GABRB1: variants seen among roughly 807,000 people sequenced by gnomAD.
The protein encoded by GABRB1 is gamma-aminobutyric acid receptor subunit beta-1.
In GABRB1, 17 loss-of-function variants were observed where a neutral mutation model predicts 51.6. The ratio of observed to expected loss-of-function variants is 0.33; its 90% CI spans 0.23 to 0.49. The LOEUF (loss-of-function observed/expected upper bound fraction) is 0.49, where lower values mean the gene tolerates loss of function less well. GABRB1 is among the 20% of genes least tolerant of loss of function. The probability of loss-of-function intolerance (pLI) is 0.99; values close to 1 mark genes in which losing one functional copy is unlikely to be tolerated. For synonymous variants in GABRB1, 247 were observed against 218.9 expected, an observed-to-expected ratio of 1.13 and a Z score of -1.14; for missense variants, 410 against 600.6, an observed-to-expected ratio of 0.68 and a Z score of 3.32.
chr4:47,360,068 A>G (rs972060311), intron 5 of GABRB1, among the ~76,000 whole-genome samples: 2 of 151,976 alleles, frequency 1.3e-5, no homozygotes, highest in African/African-American at 4.8e-5. Flanking sequence ...AAATATAATT[A>G]CAAGATGTAC....
At chr4:47,277,420 G>A (rs1422442906) in intron 4 of GABRB1, among the ~76,000 whole-genome samples, 3 of 149,976 alleles carry the variant, frequency 2.0e-5, no homozygotes, top group African/African-American at 5.0e-5. Context: ...CAACAAAATA[G>A]AAAGAATGAA....
intron 5 of GABRB1, among the ~76,000 whole-genome samples, chr4:47,348,730 G>T (rs955056383): frequency 2.0e-5 from 3 of 152,190 alleles, no homozygotes; most frequent in African/African-American, 7.2e-5. Context: ...CTAGGGGAAG[G>T]ATAGTTAATA....
At chr4:47,305,563 T>C (rs900056817) in intron 4 of GABRB1, among the ~76,000 whole-genome samples, 1 of 152,118 alleles carries the variant, frequency 6.6e-6, no homozygotes, top group Non-Finnish European at 1.5e-5. Context: ...TCATTTCCTA[T>C]GGGGTACTTA....
chr4:47,337,682 C>A (rs933760509), intron 5 of GABRB1, among the ~76,000 whole-genome samples: 45 of 151,744 alleles, frequency 3.0e-4, no homozygotes, highest in African/African-American at 1.1e-3. Flanking sequence ...TGGTGGCACA[C>A]ACCTGTAATC....
intron 4 of GABRB1, among the ~76,000 whole-genome samples, chr4:47,175,041 C>CTCCTTCCCTCCCTCCCTTCTT (rs1255463102): frequency 6.9e-6 from 1 of 144,418 alleles, no homozygotes; most frequent in Non-Finnish European, 1.5e-5. Context: ...TCCTCCCTCC[C>CTCCTTCCCTCCCTCCCTTCTT]TCCTTCCCTC....
At chr4:47,236,308 C>T (rs1721331875) in intron 4 of GABRB1, among the ~76,000 whole-genome samples, 1 of 151,620 alleles carries the variant, frequency 6.6e-6, no homozygotes, top group Non-Finnish European at 1.5e-5. Flanking sequence ...GCCCTGCCAA[C>T]AAAAAGTTTA....
chr4:47,254,368 T>G lies in GABRB1; in HGVS notation c.462-65759T>G, dbSNP rs1260862300. Among the ~76,000 whole-genome samples the G allele has an allele frequency of 4.4e-4, 41 of 92,678 alleles. 2 individuals are homozygous for G. In the South Asian group the frequency reaches 6.5e-3, roughly 15 times the overall value. The allele number at this position is 92,678 out of a possible 152,430, so 60.8% of individuals were successfully genotyped here. ...ATGATGTTTCTTTTCTTTGTTTTTTTTTTTTTTTTTTTTTTTTTTTTTTTG... is the reference window on the plus strand; with the variant it reads ...ATGATGTTTCTTTTCTTTGTTTTTTGTTTTTTTTTTTTTTTTTTTTTTTTG... On this transcript the variant is annotated intron_variant, in intron 4 of 8. Coordinates refer to ENST00000295454, the MANE Select transcript of GABRB1 (RefSeq NM_000812.4).
chr4:47,022,671 G>A (rs1311823105), intron 1 of GABRB1, among the ~76,000 whole-genome samples: 1 of 152,028 alleles, frequency 6.6e-6, no homozygotes, highest in Non-Finnish European at 1.5e-5. Context: ...TAAGGATGTG[G>A]AGAAAAGAGA....
At chr4:47,012,572 G>A (rs1724614992) in intron 1 of GABRB1, among the ~76,000 whole-genome samples, 1 of 152,098 alleles carries the variant, frequency 6.6e-6, no homozygotes, top group South Asian at 2.1e-4. Flanking sequence ...ACATTGTCAT[G>A]GTAATCAACC....
intron 3 of GABRB1, among the ~76,000 whole-genome samples, chr4:47,123,622 T>A (rs1400015174): frequency 1.5e-5 from 1 of 66,250 alleles, no homozygotes; most frequent in Admixed American, 2.9e-4. Flanking sequence ...TATAATATAT[T>A]ATATATTATA....
intron 3 of GABRB1, among the ~76,000 whole-genome samples, chr4:47,119,336 C>A (rs575039022): frequency 6.6e-6 from 1 of 151,742 alleles, no homozygotes; most frequent in Non-Finnish European, 1.5e-5. Flanking sequence ...AAAATAGGGG[C>A]AAATTTATGA....
chr4:47,244,310 T>C (rs1053932632), intron 4 of GABRB1, among the ~76,000 whole-genome samples: 3 of 152,240 alleles, frequency 2.0e-5, no homozygotes, highest in African/African-American at 7.2e-5. Flanking sequence ...GATTTTTGCA[T>C]CGATGTTCAT....
intron 4 of GABRB1, among the ~76,000 whole-genome samples, chr4:47,294,622 C>T (rs1300809918): frequency 6.6e-6 from 1 of 152,238 alleles, no homozygotes; most frequent in Non-Finnish European, 1.5e-5. Flanking sequence ...TTGGGTGGAG[C>T]CCACCACAGC....
chr4:47,245,089 A>G (rs953550099), intron 4 of GABRB1, among the ~76,000 whole-genome samples: 6 of 152,182 alleles, frequency 3.9e-5, no homozygotes, highest in African/African-American at 1.4e-4. Context: ...CAAAATTGAT[A>G]GACCGCTAGC....
intron 3 of GABRB1, among the ~76,000 whole-genome samples, chr4:47,119,680 G>C (rs2109645400): frequency 6.6e-6 from 1 of 151,962 alleles, no homozygotes; most frequent in Middle Eastern, 3.4e-3. Context: ...AGCTAATTTT[G>C]TATTTTTTAG....
chr4:47,366,816 T>C (rs10517183), intron 5 of GABRB1, among the ~76,000 whole-genome samples: 34,542 of 152,172 alleles, frequency 0.23, 4,464 homozygotes, highest in Middle Eastern at 0.36. Context: ...CATGGAAGAA[T>C]TAAAACTGTG....
At chr4:47,326,021 A>G (rs1725245409) in intron 5 of GABRB1, among the ~76,000 whole-genome samples, 1 of 152,192 alleles carries the variant, frequency 6.6e-6, no homozygotes, top group South Asian at 2.1e-4. Context: ...TTAAATGGAA[A>G]ATTCCAGAAA....
intron 3 of GABRB1, among the ~76,000 whole-genome samples, chr4:47,138,412 T>C (rs996581355): frequency 1.3e-5 from 2 of 152,068 alleles, no homozygotes; most frequent in African/African-American, 4.8e-5. Flanking sequence ...TTCAGTAATC[T>C]TGTTCAGTCT....
At chr4:47,279,661 TC>T (rs1723204922) in intron 4 of GABRB1, among the ~76,000 whole-genome samples, 1 of 152,092 alleles carries the variant, frequency 6.6e-6, no homozygotes, top group Admixed American at 6.6e-5. Flanking sequence ...ATAATGGCCT[TC>T]TTTGTATTTT....
Sources: gnomAD v4.1 joint callset for allele counts (sites outside exome capture counted in the v4.1 genomes callset) on GRCh38, gnomAD v4.1.1 for gene constraint, MANE v1.5 for transcripts, NCBI Gene and HGNC (gene_info 2026-07-23, HGNC 2026-07-21) for gene names.